Variants in SCRN1 observed in about 807,000 individuals in gnomAD.
The protein encoded by SCRN1 is secernin-1.
Under a neutral mutation model 43.3 loss-of-function variants are expected in SCRN1, and 19 were observed. The observed-to-expected ratio is 0.44, with a 90% CI of 0.31 to 0.64. The LOEUF is 0.64. SCRN1 is among the 30% of genes least tolerant of loss of function. The pLI is 0.09. For synonymous variants in SCRN1, 183 were observed against 188.9 expected (o/e 0.97, Z 0.26); for missense variants, 447 against 524.1 (o/e 0.85, Z 1.44).
intron 1 of SCRN1, among the ~76,000 whole-genome samples, chr7:29,984,949 A>G (rs186400178): frequency 6.9e-6 from 1 of 144,424 alleles, no homozygotes; most frequent in East Asian, 2.0e-4. Context: ...ACAAATTAAA[A>G]TAAGGAGCCA....
intron 1 of SCRN1, among the ~76,000 whole-genome samples, chr7:29,972,306 A>G (rs1434303275): frequency 6.6e-6 from 1 of 152,224 alleles, no homozygotes; most frequent in Non-Finnish European, 1.5e-5. Context: ...GGCCATTTCA[A>G]AAGAGCTAGT....
chr7:29,926,671 T>C (rs372377983), intron 6 of SCRN1, 39 bp from the exon 7 acceptor site: 2 of 1,553,522 alleles, frequency 1.3e-6, no homozygotes, highest in East Asian at 2.4e-5. Flanking sequence ...AGGCAGAGGC[T>C]GGGACCCGGG....
At chr7:29,969,891 G>T (rs1351947594) in intron 1 of SCRN1, 1 of 456,302 alleles carries the variant, frequency 2.2e-6, no homozygotes, top group Non-Finnish European at 4.4e-6. Flanking sequence ...CTTTATCTTG[G>T]TAGCCAAGGT....
intron 2 of SCRN1, among the ~76,000 whole-genome samples, chr7:29,966,591 A>T (rs1188701686): frequency 6.6e-6 from 1 of 152,240 alleles, no homozygotes; most frequent in Non-Finnish European, 1.5e-5. Flanking sequence ...CCCAAATAAC[A>T]TGGACATTCA....
chr7:29,949,706 G>T (rs1211827116), intron 3 of SCRN1, among the ~76,000 whole-genome samples: 1 of 151,678 alleles, frequency 6.6e-6, no homozygotes, highest in African/African-American at 2.4e-5. Context: ...ACAGGGTCTC[G>T]ATCTGTTACC....
intron 2 of SCRN1, among the ~76,000 whole-genome samples, chr7:29,958,119 C>G (rs749927900): frequency 6.6e-6 from 1 of 152,196 alleles, no homozygotes; most frequent in Non-Finnish European, 1.5e-5. Context: ...AGCCAGATCC[C>G]TTCACAGGCC....
At position 29,952,643 on chromosome 7, in the gene SCRN1, T is replaced by A. The variant is rs1583671684; in HGVS notation, c.341+2536A>T. Among the ~76,000 whole-genome samples the A allele has an allele frequency of 2.7e-5, 4 of 149,172 alleles. No homozygotes were observed. In the East Asian group the frequency reaches 5.9e-4, roughly 22 times the overall value. Reference sequence around the variant, plus strand: ...AGGCGGAGGTTGCAATCAGCCGAGATCATACCACTGCACTCCTAGGAAACA... The same window carrying A: ...AGGCGGAGGTTGCAATCAGCCGAGAACATACCACTGCACTCCTAGGAAACA... On this transcript the variant is annotated intron_variant, in intron 3 of 7. Transcript: ENST00000242059.
intron 3 of SCRN1, chr7:29,947,280 T>C: frequency 6.4e-7 from 1 of 1,550,824 alleles, no homozygotes; most frequent in Admixed American, 2.0e-5. Context: ...CTCACAGGTA[T>C]GTCAAGCTCA....
intron 2 of SCRN1, among the ~76,000 whole-genome samples, chr7:29,968,310 A>G (rs564643524): frequency 3.3e-4 from 50 of 152,310 alleles, no homozygotes; most frequent in Admixed American, 2.9e-3. Context: ...AGGAATTATG[A>G]CCTGCATGTA....
At chr7:29,937,914 C>T (rs999872287) in intron 5 of SCRN1, among the ~76,000 whole-genome samples, 25 of 152,318 alleles carry the variant, frequency 1.6e-4, no homozygotes, top group African/African-American at 6.0e-4. Flanking sequence ...ACAACAAATC[C>T]TTGCTTGCTT....
At chr7:29,990,112 G>A (rs1789320788), upstream of SCRN1, 3 of 1,549,224 alleles carry the variant, frequency 1.9e-6, no homozygotes, top group South Asian at 1.2e-5. Context: ...GCCTCTTCCC[G>A]ACGTTTGGTT....
intron 5 of SCRN1, among the ~76,000 whole-genome samples, chr7:29,938,694 C>T (rs1183678866): frequency 6.6e-6 from 1 of 152,250 alleles, no homozygotes; most frequent in Non-Finnish European, 1.5e-5. Flanking sequence ...TATTTCGGCC[C>T]ATCCCTTTGT....
chr7:29,972,473 CA>C (rs1788695168), intron 1 of SCRN1, among the ~76,000 whole-genome samples: 1 of 152,180 alleles, frequency 6.6e-6, no homozygotes, highest in African/African-American at 2.4e-5. Flanking sequence ...GCTTAGTCAG[CA>C]AATAATCTGG....
intron 6 of SCRN1, among the ~76,000 whole-genome samples, chr7:29,931,863 G>A (rs1787165506): frequency 6.6e-6 from 1 of 152,256 alleles, no homozygotes; most frequent in Middle Eastern, 3.4e-3. Flanking sequence ...AAACGCAGGC[G>A]CCCCTCAGAG....
intron 3 of SCRN1, among the ~76,000 whole-genome samples, chr7:29,954,067 A>G (rs1265667851): frequency 1.3e-5 from 2 of 152,178 alleles, no homozygotes; most frequent in Non-Finnish European, 2.9e-5. Flanking sequence ...GCTTTGTTCC[A>G]GCCTACCTTC....
intron 2 of SCRN1, 52 bp downstream of exon 2, chr7:29,968,857 C>T (rs1788577778): frequency 2.5e-6 from 4 of 1,607,916 alleles, no homozygotes; most frequent in East Asian, 4.5e-5. Context: ...GTGCTAGCGG[C>T]AAAGCCAGAG....
At chr7:29,943,597 G>C (rs995862187) in intron 4 of SCRN1, among the ~76,000 whole-genome samples, 1 of 152,136 alleles carries the variant, frequency 6.6e-6, no homozygotes, top group Non-Finnish European at 1.5e-5. Context: ...AAGATCTACA[G>C]GGTTGGGGGT....
In SCRN1 at chr7:29,924,004, C is replaced by T; in HGVS notation, c.1198G>A (p.Asp400Asn). The T allele has an allele frequency of 1.2e-6, 2 of 1,614,082 alleles. No homozygotes were observed. The highest frequency in any genetic ancestry group is 1.7e-6 in the Non-Finnish European group (2 of 1,179,994). Reference sequence around the variant, plus strand: ...GTGTCAACACAGTCATAGAAAAGGTCCCCCACTTCCGCAGGGTCCAGTGGC... The same window carrying T: ...GTGTCAACACAGTCATAGAAAAGGTTCCCCACTTCCGCAGGGTCCAGTGGC... ...SEPLDPAEVG[D>N]LFYDCVDTEI... Residue 400 changes from aspartate (D) to asparagine (N), a missense_variant, in exon 8 of 8, where the codon GAC (aspartate) becomes AAC (asparagine). Transcript: ENST00000242059.
chr7:29,928,074 G>C (rs1316769040), intron 6 of SCRN1, among the ~76,000 whole-genome samples: 1 of 152,198 alleles, frequency 6.6e-6, no homozygotes, highest in African/African-American at 2.4e-5. Flanking sequence ...AGTGAGCCAA[G>C]ATCATGCCAT....
Sources: allele counts gnomAD v4.1 joint callset (sites outside exome capture counted in the v4.1 genomes callset), GRCh38; gene constraint gnomAD v4.1.1; transcripts MANE v1.5; gene names NCBI Gene and HGNC (gene_info 2026-07-23, HGNC 2026-07-21).